C8orf34: variants seen among roughly 807,000 people sequenced by gnomAD.
The protein encoded by C8orf34 is chromosome 8 open reading frame 34.
Under a neutral mutation model 68.3 loss-of-function variants are expected in C8orf34, and 65 were observed. That is an observed-to-expected ratio of 0.95 (90% confidence interval 0.78 to 1.17). The LOEUF is 1.17. Ranked by LOEUF, C8orf34 falls within the 50% of genes most tolerant of loss-of-function variation. The pLI, the probability that C8orf34 is intolerant of heterozygous loss-of-function variation, is 0.00. For synonymous variants in C8orf34, 244 were observed against 241.2 expected (o/e 1.01, Z -0.11); for missense variants, 664 against 655.4 (o/e 1.01, Z -0.14).
intron 10 of C8orf34, among the ~76,000 whole-genome samples, chr8:68,745,259 G>A (rs1454615951): frequency 2.6e-5 from 4 of 152,012 alleles, no homozygotes; most frequent in East Asian, 3.9e-4. Context: ...AGGAACAACT[G>A]GTGCCAGCCG....
chr8:68,467,245 A>T (rs6988433), intron 3 of C8orf34, among the ~76,000 whole-genome samples: 1 of 150,992 alleles, frequency 6.6e-6, no homozygotes, highest in African/African-American at 2.5e-5. Flanking sequence ...TGGTATTATT[A>T]TGACTAATTA....
intron 3 of C8orf34, among the ~76,000 whole-genome samples, chr8:68,466,471 T>C (rs1477338778): frequency 6.6e-6 from 1 of 151,964 alleles, no homozygotes; most frequent in Non-Finnish European, 1.5e-5. Flanking sequence ...CTACGTGTTA[T>C]ATACATGTAA....
At chr8:68,371,805 G>A (rs1293132703) in intron 1 of C8orf34, among the ~76,000 whole-genome samples, 1 of 151,778 alleles carries the variant, frequency 6.6e-6, no homozygotes, top group Admixed American at 6.6e-5. Context: ...TCACCATGTT[G>A]GTCAGGCTGG....
rs1810533787 is a variant in C8orf34 at position 68,433,514 on chromosome 8, T to G, written c.328-5985T>G. On this transcript the variant is annotated intron_variant, in intron 1 of 13. Coordinates refer to ENST00000518698, the MANE Select transcript of C8orf34 (RefSeq NM_052958.4). The stretch of plus-strand genomic sequence containing the variant: ...CCTGAGGTTAAAAAGGATACAAGCA[T>G]TACTTTCCTGTTAGGGAAATGAAGC... Among the ~76,000 whole-genome samples the G allele has an allele frequency of 2.0e-5, 3 of 152,182 alleles. No homozygotes were observed. In the South Asian group the frequency reaches 6.2e-4, roughly 32 times the overall value.
At chr8:68,658,163 A>G (rs1226508831) in intron 8 of C8orf34, among the ~76,000 whole-genome samples, 1 of 152,158 alleles carries the variant, frequency 6.6e-6, no homozygotes. Context: ...TTTTTAAAAA[A>G]TTGCTTCTTA....
At chr8:68,747,318 CTGGCACAAGACAGGGA>C (rs1423302146) in intron 10 of C8orf34, among the ~76,000 whole-genome samples, 1 of 150,542 alleles carries the variant, frequency 6.6e-6, no homozygotes, top group African/African-American at 2.4e-5. Flanking sequence ...CCTTTGAAAA[CTGGCACAAGACAGGGA>C]TGCCCTCTCT....
At chr8:68,722,909 G>A (rs1821716071) in intron 10 of C8orf34, among the ~76,000 whole-genome samples, 1 of 151,860 alleles carries the variant, frequency 6.6e-6, no homozygotes, top group Non-Finnish European at 1.5e-5. Flanking sequence ...AAAAACCATG[G>A]TAACCATCCA....
chr8:68,640,002 A>G (rs1818956957), intron 7 of C8orf34, among the ~76,000 whole-genome samples: 1 of 152,216 alleles, frequency 6.6e-6, no homozygotes, highest in South Asian at 2.1e-4. Context: ...CAAAGGAAAA[A>G]TATAGGAGAG....
chr8:68,814,018 T>G (rs770053377), intron 12 of C8orf34, among the ~76,000 whole-genome samples: 2 of 152,198 alleles, frequency 1.3e-5, no homozygotes, highest in Non-Finnish European at 2.9e-5. Context: ...CTCCTTCCCT[T>G]ACAATTCCTC....
At chr8:68,523,211 T>A (rs536423436) in intron 6 of C8orf34, among the ~76,000 whole-genome samples, 36 of 152,348 alleles carry the variant, frequency 2.4e-4, no homozygotes, top group African/African-American at 8.7e-4. Flanking sequence ...TGAGGGTAAT[T>A]TTTTTAATAC....
intron 8 of C8orf34, among the ~76,000 whole-genome samples, chr8:68,656,057 G>C (rs1445617289): frequency 1.3e-5 from 2 of 152,170 alleles, no homozygotes; most frequent in African/African-American, 4.8e-5. Flanking sequence ...ACAGAACCAT[G>C]TTGAAGGTCC....
intron 9 of C8orf34, among the ~76,000 whole-genome samples, chr8:68,713,342 A>C (rs2130976036): frequency 6.7e-6 from 1 of 149,556 alleles, no homozygotes; most frequent in Admixed American, 6.6e-5. Flanking sequence ...ACTAAAACAA[A>C]CTGAAAGAAC....
chr8:68,330,806 C>CT (rs1360900673), upstream of C8orf34: 1 of 470,920 alleles, frequency 2.1e-6, no homozygotes, highest in African/African-American at 3.1e-5. Context: ...CACACACACA[C>CT]ACGCACGCAC....
At chr8:68,574,710 G>A (rs1007179063) in intron 7 of C8orf34, among the ~76,000 whole-genome samples, 2 of 151,952 alleles carry the variant, frequency 1.3e-5, no homozygotes, top group Admixed American at 1.3e-4. Context: ...ACATGCATAA[G>A]AGGTTACTAT....
chr8:68,516,723 C>T (rs948494095), intron 5 of C8orf34, among the ~76,000 whole-genome samples: 2 of 152,034 alleles, frequency 1.3e-5, no homozygotes, highest in African/African-American at 2.4e-5. Flanking sequence ...TCATTGCAAC[C>T]TCCTCCTCCC....
intron 1 of C8orf34, among the ~76,000 whole-genome samples, chr8:68,410,944 C>T (rs1481321254): frequency 6.6e-6 from 1 of 152,166 alleles, no homozygotes; most frequent in Admixed American, 6.5e-5. Flanking sequence ...CCTGAATGTT[C>T]TCTCTGACCC....
chr8:68,382,195 T>C (rs1295765859), intron 1 of C8orf34, among the ~76,000 whole-genome samples: 2 of 152,352 alleles, frequency 1.3e-5, no homozygotes, highest in South Asian at 2.1e-4. Context: ...GATAAATACG[T>C]AGATCTGATT....
At chr8:68,462,070 G>A (rs1286258078) in intron 3 of C8orf34, among the ~76,000 whole-genome samples, 1 of 151,994 alleles carries the variant, frequency 6.6e-6, no homozygotes, top group Middle Eastern at 3.2e-3. Context: ...GACACACATA[G>A]GCTCAAAATA....
chr8:68,546,180 C>A (rs1179007427), intron 7 of C8orf34, among the ~76,000 whole-genome samples: 3 of 151,798 alleles, frequency 2.0e-5, no homozygotes, highest in African/African-American at 7.3e-5. Flanking sequence ...GCAGTTGGGG[C>A]AAATAGAAAA....
Sources: gnomAD v4.1 joint callset for allele counts (sites outside exome capture counted in the v4.1 genomes callset) on GRCh38, gnomAD v4.1.1 for gene constraint, MANE v1.5 for transcripts, NCBI Gene and HGNC (gene_info 2026-07-23, HGNC 2026-07-21) for gene names.